PLEKHA5: variants seen among roughly 807,000 people sequenced by gnomAD.
The protein encoded by PLEKHA5 is pleckstrin homology domain-containing family A member 5.
Under a neutral mutation model 181.9 loss-of-function variants are expected in PLEKHA5, and 55 were observed. The ratio of observed to expected loss-of-function variants is 0.30; its 90% CI spans 0.24 to 0.38. The LOEUF (loss-of-function observed/expected upper bound fraction) is 0.38. Ranked by LOEUF, PLEKHA5 falls within the 10% of genes least tolerant of loss-of-function variation. The pLI, the probability that PLEKHA5 is intolerant of heterozygous loss-of-function variation, is 1.00. For missense variants in PLEKHA5, 1,432 were observed against 1,549.5 expected (o/e 0.92, Z 1.27); for synonymous variants, 535 against 529.4 (o/e 1.01, Z -0.15).
At chr12:19,360,372 A>G (rs953016178) in intron 28 of PLEKHA5, among the ~76,000 whole-genome samples, 2 of 152,012 alleles carry the variant, frequency 1.3e-5, no homozygotes, top group African/African-American at 4.8e-5. Context: ...TTTGGAGGCC[A>G]AGGCGAGTGG....
At chr12:19,300,470 A>G (rs959126224) in intron 15 of PLEKHA5, among the ~76,000 whole-genome samples, 2 of 152,240 alleles carry the variant, frequency 1.3e-5, no homozygotes, top group Non-Finnish European at 2.9e-5. Context: ...GTAGCTCATT[A>G]TACCAGGCTT....
At chr12:19,250,382 T>G (rs2064958657) in intron 3 of PLEKHA5, among the ~76,000 whole-genome samples, 1 of 152,106 alleles carries the variant, frequency 6.6e-6, no homozygotes, top group African/African-American at 2.4e-5. Context: ...GACAGGAGTT[T>G]GAGACCAGCC....
At chr12:19,341,554 A>G (rs926751638) in intron 21 of PLEKHA5, among the ~76,000 whole-genome samples, 1 of 150,406 alleles carries the variant, frequency 6.6e-6, no homozygotes, top group Admixed American at 6.6e-5. Flanking sequence ...CTTTTTTTTT[A>G]CTTTTTGATG....
chr12:19,278,254 A>G (rs1348748224), intron 11 of PLEKHA5, among the ~76,000 whole-genome samples: 2 of 152,172 alleles, frequency 1.3e-5, no homozygotes, highest in African/African-American at 4.8e-5. Flanking sequence ...CCTGCTGTTA[A>G]TGATCATATG....
intron 16 of PLEKHA5, among the ~76,000 whole-genome samples, chr12:19,316,094 G>T (rs1436642274): frequency 6.6e-6 from 1 of 151,480 alleles, no homozygotes; most frequent in Non-Finnish European, 1.5e-5. Flanking sequence ...AGAGTATTTG[G>T]AATAAGTATT....
chr12:19,320,777 T>G, intron 18 of PLEKHA5, 153 bp downstream of exon 18: 2 of 456,316 alleles, frequency 4.4e-6, no homozygotes, highest in African/African-American at 2.0e-5. Flanking sequence ...TAAATTATTA[T>G]TCCCTGCCCT....
intron 29 of PLEKHA5, among the ~76,000 whole-genome samples, chr12:19,362,167 C>CAAAAA (rs33984774): frequency 1.6e-5 from 1 of 61,630 alleles, no homozygotes; most frequent in African/African-American, 6.2e-5. Flanking sequence ...GACTCTGTCT[C>CAAAAA]AAAAAAAAAA....
chr12:19,339,076 T>G (rs2153149422), intron 21 of PLEKHA5, among the ~76,000 whole-genome samples: 1 of 151,904 alleles, frequency 6.6e-6, no homozygotes, highest in South Asian at 2.1e-4. Flanking sequence ...GTTTCACTCT[T>G]GTTGCCCAGG....
intron 3 of PLEKHA5, among the ~76,000 whole-genome samples, chr12:19,212,113 A>G (rs1032122646): frequency 1.3e-5 from 2 of 152,184 alleles, no homozygotes; most frequent in African/African-American, 4.8e-5. Flanking sequence ...TCCAATGACT[A>G]CTGTAACAAA....
intron 3 of PLEKHA5, among the ~76,000 whole-genome samples, chr12:19,240,058 T>C (rs895370009): frequency 2.0e-5 from 3 of 152,254 alleles, no homozygotes; most frequent in Non-Finnish European, 2.9e-5. Context: ...GGAATATCAT[T>C]TGACTTATGA....
rs780484318 is a variant in PLEKHA5 at position 19,274,883 on chromosome 12, A to G, written c.1213A>G (p.Thr405Ala). 3 of 1,614,014 alleles carry G rather than the reference A, an allele frequency of 1.9e-6. No homozygotes were observed. The highest frequency in any genetic ancestry group is 1.7e-5 in the Admixed American group (1 of 60,010). The change falls in exon 11 of 32, where the codon ACA (threonine) becomes GCA (alanine). Residue 405 changes from threonine (T) to alanine (A), a missense_variant. By Grantham distance (58) the Thr-to-Ala change is moderately conservative (BLOSUM62 0). Transcript: ENST00000429027. Reference protein sequence around the residue: ...GNRPNTGPLYTEADRVIQRTN... With the variant: ...GNRPNTGPLYAEADRVIQRTN... ...TCGCCCCAATACAGGGCCCTTATAC[A>G]CAGAGGCCGATCGAGTCATACAGAG...
At chr12:19,281,972 C>CG (rs1285337778) in intron 11 of PLEKHA5, among the ~76,000 whole-genome samples, 3 of 151,830 alleles carry the variant, frequency 2.0e-5, no homozygotes, top group African/African-American at 7.3e-5. Flanking sequence ...TTCGAAGAGA[C>CG]GGGGTTTCAC....
intron 15 of PLEKHA5, among the ~76,000 whole-genome samples, chr12:19,300,168 A>G (rs990487779): frequency 1.3e-5 from 2 of 152,226 alleles, no homozygotes; most frequent in Non-Finnish European, 2.9e-5. Flanking sequence ...ATCAGATTCC[A>G]TGACTTGCCC....
intron 31 of PLEKHA5, 55 bp downstream of exon 31, chr12:19,369,853 T>C: frequency 9.4e-7 from 1 of 1,068,424 alleles, no homozygotes; most frequent in Non-Finnish European, 1.4e-6. Context: ...ATTTTATGAC[T>C]TATCTGTTGG....
intron 30 of PLEKHA5, among the ~76,000 whole-genome samples, chr12:19,367,368 G>T (rs1420035309): frequency 7.3e-6 from 1 of 136,630 alleles, no homozygotes; most frequent in African/African-American, 2.8e-5. Context: ...CGATTCTCCT[G>T]CCTCAGCCTC....
At chr12:19,182,921 G>A (rs1409377639) in intron 3 of PLEKHA5, among the ~76,000 whole-genome samples, 6 of 152,256 alleles carry the variant, frequency 3.9e-5, no homozygotes, top group African/African-American at 1.4e-4. Flanking sequence ...AAATCAAAGA[G>A]AATAATGTTT....
At chr12:19,148,986 T>C (rs1255838935) in intron 3 of PLEKHA5, among the ~76,000 whole-genome samples, 2 of 152,126 alleles carry the variant, frequency 1.3e-5, no homozygotes, top group Non-Finnish European at 2.9e-5. Flanking sequence ...AACATTATTA[T>C]TGGTAGTAGA....
rs10706958 is a variant in PLEKHA5, at chr12:19,257,540, A to ATTT, written c.537+14_537+16dup. Reference sequence around the variant, plus strand: ...GACGAGGTTGGCTTTATAAACAGGTATTTTTTTTTTTTTGATATGAAACAA... The same window carrying ATTT: ...GACGAGGTTGGCTTTATAAACAGGTATTTTTTTTTTTTTTTTGATATGAAACAA... On this transcript the variant is annotated splice_donor_region_variant and intron_variant, in intron 6 of 31. Coordinates refer to ENST00000429027, the MANE Select transcript of PLEKHA5 (RefSeq NM_001256470.2). 668 of 1,205,282 alleles carry ATTT rather than the reference A, an allele frequency of 5.5e-4. 2 individuals carry two copies. The African/African-American group carries it at 9.5e-3, about 17-fold the overall frequency. 74.7% of individuals were successfully genotyped at this position (1,205,282 alleles called of 1,614,324 possible). A position where few individuals can be genotyped will look rare whatever the true frequency, so the allele number is the denominator to read the frequency against.
chr12:19,258,141 A>G (rs994544293), intron 6 of PLEKHA5, among the ~76,000 whole-genome samples: 3 of 151,882 alleles, frequency 2.0e-5, no homozygotes, highest in Non-Finnish European at 4.4e-5. Context: ...CTGACTGGGG[A>G]ACTTGCTATC....
Sources: gnomAD v4.1 joint callset for allele counts (sites outside exome capture counted in the v4.1 genomes callset) on GRCh38, gnomAD v4.1.1 for gene constraint, MANE v1.5 for transcripts, NCBI Gene and HGNC (gene_info 2026-07-23, HGNC 2026-07-21) for gene names.